ORC5: variants seen among roughly 807,000 people sequenced by gnomAD.
ORC5 encodes protein phosphatase 1, regulatory subunit 117.
A neutral mutation model predicts 58.8 loss-of-function variants in ORC5; 39 were observed. The observed-to-expected ratio is 0.66, with a 90% CI of 0.51 to 0.87. The LOEUF (loss-of-function observed/expected upper bound fraction) is 0.87. Among genes scored for constraint, ORC5 ranks in the 40% least tolerant of loss-of-function variants. The probability of loss-of-function intolerance (pLI) is 0.00; values close to 1 mark genes in which losing one functional copy is unlikely to be tolerated. For synonymous variants in ORC5, 218 were observed against 177.6 expected (o/e 1.23, Z -1.81); for missense variants, 493 against 506.3 (o/e 0.97, Z 0.25).
intron 12 of ORC5, among the ~76,000 whole-genome samples, chr7:104,152,841 C>A (rs1338451574): frequency 6.6e-6 from 1 of 151,994 alleles, no homozygotes; most frequent in African/African-American, 2.4e-5. Context: ...TTATTTTATA[C>A]AAAAGTAGAA....
chr7:104,180,166 CCACA>C (rs1409983762), intron 8 of ORC5, among the ~76,000 whole-genome samples: 2 of 152,158 alleles, frequency 1.3e-5, no homozygotes, highest in African/African-American at 2.4e-5. Context: ...ACAAGCTTGA[CCACA>C]CATTCTTCCT....
intron 3 of ORC5, among the ~76,000 whole-genome samples, chr7:104,200,372 C>G (rs1244317601): frequency 6.6e-6 from 1 of 152,154 alleles, no homozygotes; most frequent in African/African-American, 2.4e-5. Flanking sequence ...ACTCTCTGGC[C>G]TCCATTTTCA....
At chr7:104,200,628 T>G in intron 3 of ORC5, 130 bp downstream of exon 3, 1 of 631,476 alleles carries the variant, frequency 1.6e-6, no homozygotes, top group East Asian at 2.7e-5. Context: ...TTTAATACAT[T>G]TCTGTATACT....
chr7:104,155,959 T>C (rs138726283), intron 12 of ORC5, among the ~76,000 whole-genome samples: 542 of 151,854 alleles, frequency 3.6e-3, no homozygotes, highest in Non-Finnish European at 5.2e-3. Flanking sequence ...ACTATTTCTT[T>C]AAAAGCTGAC....
chr7:104,180,463 T>C lies in ORC5; in HGVS notation c.824+3480A>G, dbSNP rs561348348. On this transcript the variant is annotated intron_variant, in intron 8 of 13. Coordinates refer to ENST00000297431, the MANE Select transcript of ORC5 (RefSeq NM_002553.4). ...TTTTGAAGTCCTCTGATTATCATTC[T>C]GGTTAAATGAATGACTATCATTTCA... Among the ~76,000 whole-genome samples the C allele has an allele frequency of 2.0e-5, 3 of 152,328 alleles. No individual in the cohort carries two copies. In the South Asian group the frequency reaches 6.2e-4, roughly 32 times the overall value.
Position 104,197,746 on chromosome 7 carries a change from T to C in ORC5, c.420A>G (p.Gly140=). The C allele has an allele frequency of 1.9e-6, 3 of 1,600,440 alleles. No individual in the cohort carries two copies. The highest frequency in any genetic ancestry group is 2.6e-6 in the Non-Finnish European group (3 of 1,174,238). ...TTACCAATTCTTGTAATCTAAGAAATCCAGGCAAAAGATTTGCTTCCATAT... is the reference window on the plus strand; with the variant it reads ...TTACCAATTCTTGTAATCTAAGAAACCCAGGCAAAAGATTTGCTTCCATAT... ...LRDMEANLLP[G]FLRLQELADR... Residue 140 remains glycine, a synonymous_variant, in exon 4 of 14, where the codon GGA becomes GGG. Coordinates refer to ENST00000297431, the MANE Select transcript of ORC5 (RefSeq NM_002553.4).
At chr7:104,187,769 G>A (rs893864935) in intron 6 of ORC5, 3 of 980,206 alleles carry the variant, frequency 3.1e-6, no homozygotes, top group African/African-American at 1.8e-5. Context: ...ACCAGCTCAG[G>A]GTCAGTGGTT....
At chr7:104,173,364 C>T (rs1298576754) in intron 8 of ORC5, among the ~76,000 whole-genome samples, 1 of 152,214 alleles carries the variant, frequency 6.6e-6, no homozygotes, top group African/African-American at 2.4e-5. Context: ...TATGCATTCC[C>T]ACTGCAATGC....
intron 8 of ORC5, among the ~76,000 whole-genome samples, chr7:104,172,011 C>T (rs1266232822): frequency 7.2e-5 from 11 of 152,344 alleles, no homozygotes; most frequent in East Asian, 3.9e-4. Context: ...TACTAGTCAA[C>T]GTATCCCTTG....
At chr7:104,168,444 G>T in intron 9 of ORC5, 29 bp downstream of exon 9, 6 of 1,604,270 alleles carry the variant, frequency 3.7e-6, no homozygotes, top group Non-Finnish European at 5.1e-6. Flanking sequence ...AAGTATCTCC[G>T]GTAACTGTCT....
intron 12 of ORC5, among the ~76,000 whole-genome samples, chr7:104,159,333 G>C (rs1199398354): frequency 2.2e-5 from 2 of 92,988 alleles, no homozygotes; most frequent in Admixed American, 1.2e-4. Flanking sequence ...GTTGTGGGGT[G>C]GGGGGAGGGG....
At chr7:104,146,755 G>A (rs1798758892) in intron 12 of ORC5, among the ~76,000 whole-genome samples, 1 of 152,028 alleles carries the variant, frequency 6.6e-6, no homozygotes, top group African/African-American at 2.4e-5. Flanking sequence ...ACTATGCACA[G>A]GATAAAATTT....
rs979838393 is a variant in ORC5 at position 104,204,467 on chromosome 7, C to G, written c.73-233G>C. Among the ~76,000 whole-genome samples, 7 of 152,004 alleles carry G rather than the reference C, an allele frequency of 4.6e-5. No homozygotes were observed. In the South Asian group the frequency reaches 6.2e-4, roughly 14 times the overall value. Reference sequence around the variant, plus strand: ...CATATTTGGCATATTTTATTATGTACTATATATTTATATTTTTATTATCGT... The same window carrying G: ...CATATTTGGCATATTTTATTATGTAGTATATATTTATATTTTTATTATCGT... On this transcript the variant is annotated intron_variant, in intron 1 of 13. Transcript: ENST00000297431.
Position 104,207,872 on chromosome 7 carries a change from G to A in ORC5, c.33C>T (p.Arg11=). Reference sequence around the variant, plus strand: ...ACTGCAAGATGGACACTTGAGACTCGCGACAAAGCACCACGTTTTCCAAGT... The same window carrying A: ...ACTGCAAGATGGACACTTGAGACTCACGACAAAGCACCACGTTTTCCAAGT... The part of the protein sequence containing the change: MPHLENVVLC[R]ESQVSILQSL... The change falls in exon 1 of 14, where the codon CGC becomes CGT. Residue 11 remains arginine, a synonymous_variant. Coordinates refer to ENST00000297431, the MANE Select transcript of ORC5 (RefSeq NM_002553.4). 6.2e-7 allele frequency: 1 copy of A among 1,614,160 alleles called. No individual in the cohort carries two copies. The highest frequency in any genetic ancestry group is 8.5e-7 in the Non-Finnish European group (1 of 1,180,020).
At chr7:104,159,772 C>G (rs1000740975) in intron 12 of ORC5, among the ~76,000 whole-genome samples, 1 of 152,096 alleles carries the variant, frequency 6.6e-6, no homozygotes, top group Non-Finnish European at 1.5e-5. Context: ...GTTGTTTAAT[C>G]TCTCTGACTT....
chr7:104,129,127 T>C lies in ORC5; in HGVS notation c.1263-2234A>G, dbSNP rs988534901. Among the ~76,000 whole-genome samples the C allele has an allele frequency of 6.6e-6, 1 of 152,176 alleles. No homozygotes were observed. The highest frequency in any genetic ancestry group is 2.4e-5 in the African/African-American group (1 of 41,450). On this transcript the variant is annotated intron_variant, in intron 13 of 13. Coordinates refer to ENST00000297431, the MANE Select transcript of ORC5 (RefSeq NM_002553.4). This position sits in a 1 kb window ranked among gnomAD's most constrained non-coding sequence, Gnocchi z 4.9. ...CGGCTGCAGAGAAATGTTTGTCTAATGGACTAGTACTAGAAGAGCACAAAT... is the reference window on the plus strand; with the variant it reads ...CGGCTGCAGAGAAATGTTTGTCTAACGGACTAGTACTAGAAGAGCACAAAT...
intron 5 of ORC5, among the ~76,000 whole-genome samples, chr7:104,190,022 C>T (rs572347094): frequency 7.9e-5 from 12 of 152,150 alleles, no homozygotes; most frequent in South Asian, 2.1e-4. Flanking sequence ...TTTTAGGACA[C>T]CCATTTGATA....
Position 104,133,529 on chromosome 7 carries a change from A to G in ORC5, c.1262+3252T>C, listed in dbSNP as rs951332763. Among the ~76,000 whole-genome samples the G allele has an allele frequency of 2.0e-5, 3 of 152,128 alleles. No homozygotes were observed. The highest frequency in any genetic ancestry group is 2.9e-5 in the Non-Finnish European group (2 of 68,026). ...TTGGTGGGTTGAAGCAGAGGTTAGA[A>G]TTCCTAAGTTCAGTTTTGGAAATGT... is the stretch of plus-strand genomic sequence containing the variant. On this transcript the variant is annotated intron_variant, in intron 13 of 13. Coordinates refer to ENST00000297431, the MANE Select transcript of ORC5 (RefSeq NM_002553.4). This position sits in a 1 kb window ranked among gnomAD's most constrained non-coding sequence, Gnocchi z 4.7.
chr7:104,167,294 T>C (rs1334277177), intron 9 of ORC5, among the ~76,000 whole-genome samples: 1 of 152,168 alleles, frequency 6.6e-6, no homozygotes, highest in Non-Finnish European at 1.5e-5. Context: ...TTATCTGAAA[T>C]GCTTGGGACC....
Sources: allele counts gnomAD v4.1 joint callset (sites outside exome capture counted in the v4.1 genomes callset), GRCh38; gene constraint gnomAD v4.1.1; non-coding constraint Gnocchi (gnomAD v3.1); transcripts MANE v1.5; gene names NCBI Gene and HGNC (gene_info 2026-07-23, HGNC 2026-07-21).